NKIRAS1: variants seen among roughly 807,000 people sequenced by gnomAD.
NKIRAS1 encodes NF-kappa-B inhibitor-interacting Ras-like protein 1.
A neutral mutation model predicts 19.8 loss-of-function variants in NKIRAS1; 16 were observed. That is an observed-to-expected ratio of 0.81 (90% confidence interval 0.55 to 1.23). NKIRAS1 has a LOEUF of 1.23. NKIRAS1 is among the 50% of genes most tolerant of loss of function. The probability of loss-of-function intolerance (pLI) is 0.00; values close to 1 mark genes in which losing one functional copy is unlikely to be tolerated. For missense variants in NKIRAS1, 184 were observed against 220.0 expected (o/e 0.84, Z 1.04); for synonymous variants, 88 against 79.0 (o/e 1.11, Z -0.61).
upstream of NKIRAS1, chr3:23,919,826 T>G: frequency 9.6e-7 from 1 of 1,039,170 alleles, no homozygotes; most frequent in Non-Finnish European, 1.2e-6. Flanking sequence ...CTGGTGCATG[T>G]GATGAAACCT....
At chr3:23,933,940 C>T (rs1006494267) in intron 1 of NKIRAS1, among the ~76,000 whole-genome samples, 5 of 152,160 alleles carry the variant, frequency 3.3e-5, no homozygotes, top group African/African-American at 1.2e-4. Context: ...AGGGCCAGGA[C>T]GCTTCAACAT....
At chr3:23,917,817 G>C (rs763388523), upstream of NKIRAS1, 10 of 1,571,470 alleles carry the variant, frequency 6.4e-6, no homozygotes, top group African/African-American at 1.4e-5. Flanking sequence ...TACTTAAAGC[G>C]GATGATATTT....
In NKIRAS1 at chr3:23,915,763, T is replaced by C. The variant is rs140161651; in HGVS notation, c.-140+1021A>G. 2.3e-3 allele frequency among the ~76,000 whole-genome samples: 346 copies of C among 152,306 alleles called. 1 individual carries two copies. The highest frequency in any genetic ancestry group is 8.1e-3 in the African/African-American group (336 of 41,570). On this transcript the variant is annotated intron_variant, in intron 1 of 4. Transcript: ENST00000425478. ...CAGTCATGGCTCTTCTCCCTCTGCCTGAATCAGACCCCTACTCTTACTCCC... is the reference window on the plus strand; with the variant it reads ...CAGTCATGGCTCTTCTCCCTCTGCCCGAATCAGACCCCTACTCTTACTCCC...
intron 4 of NKIRAS1, 150 bp downstream of exon 4, chr3:23,900,653 AAAAAG>A (rs1246986488): frequency 0.024 from 14,519 of 605,012 alleles, 151 homozygotes; most frequent in South Asian, 0.034. Context: ...AAAAAAAAAA[AAAAAG>A]AAAAAGAAAA....
chr3:23,903,769 G>A (rs1477397807), intron 3 of NKIRAS1, among the ~76,000 whole-genome samples: 4 of 152,048 alleles, frequency 2.6e-5, no homozygotes, highest in Admixed American at 6.6e-5. Flanking sequence ...AGAAAACAAG[G>A]ACAGAGAACA....
upstream of NKIRAS1, chr3:23,917,188 G>C (rs113358064): frequency 1.3e-5 from 2 of 152,888 alleles, no homozygotes; most frequent in African/African-American, 4.8e-5. Context: ...GCTGCGTTGA[G>C]GATCTTTGCT....
At chr3:23,912,518 T>G (rs1015677103) in intron 1 of NKIRAS1, among the ~76,000 whole-genome samples, 5 of 152,112 alleles carry the variant, frequency 3.3e-5, no homozygotes, top group African/African-American at 1.2e-4. Flanking sequence ...TTAGAATGGT[T>G]ATCATTAAAA....
At chr3:23,895,915 A>G (rs1436588569) in intron 4 of NKIRAS1, among the ~76,000 whole-genome samples, 1 of 151,950 alleles carries the variant, frequency 6.6e-6, no homozygotes, top group Non-Finnish European at 1.5e-5. Flanking sequence ...TGGGTGGATC[A>G]TGAGGTCAGG....
intron 4 of NKIRAS1, among the ~76,000 whole-genome samples, chr3:23,900,143 AAGAG>A (rs778783875): frequency 6.6e-6 from 1 of 151,736 alleles, no homozygotes; most frequent in African/African-American, 2.4e-5. Flanking sequence ...GCCTGGGTGA[AAGAG>A]AGAGACTCAG....
At chr3:23,925,273 C>A (rs767944862) in intron 1 of NKIRAS1, among the ~76,000 whole-genome samples, 48 of 152,328 alleles carry the variant, frequency 3.2e-4, no homozygotes, top group Non-Finnish European at 5.6e-4. Flanking sequence ...GCGCAGTCCA[C>A]ACTGGTAGAG....
At chr3:23,936,423 A>T (rs545403154) in intron 1 of NKIRAS1, among the ~76,000 whole-genome samples, 1 of 152,306 alleles carries the variant, frequency 6.6e-6, no homozygotes, top group South Asian at 2.1e-4. Context: ...TTCTAAGCTG[A>T]TGCTCTCCCA....
chr3:23,897,748 A>G (rs1381019443), intron 4 of NKIRAS1, among the ~76,000 whole-genome samples: 1 of 152,190 alleles, frequency 6.6e-6, no homozygotes, highest in Non-Finnish European at 1.5e-5. Flanking sequence ...TACAGAAAAT[A>G]GCACCCTCAT....
intron 1 of NKIRAS1, among the ~76,000 whole-genome samples, chr3:23,913,949 CA>C (rs1559507959): frequency 1.3e-5 from 2 of 152,252 alleles, no homozygotes; most frequent in African/African-American, 4.8e-5. Flanking sequence ...GAGGTGAACA[CA>C]AAAAGCAGTA....
At chr3:23,910,783 G>A (rs1323383463) in intron 3 of NKIRAS1, 28 bp downstream of exon 3, 10 of 1,552,086 alleles carry the variant, frequency 6.4e-6, no homozygotes, top group Non-Finnish European at 8.0e-6. Context: ...CCAGAACCTA[G>A]AGACAAACTA....
rs375135098 is a variant in NKIRAS1 at position 23,928,019 on chromosome 3, C to G, written c.-139-16569G>C. Among the ~76,000 whole-genome samples, 3 of 152,112 alleles carry G rather than the reference C, an allele frequency of 2.0e-5. No individual in the cohort carries two copies. In the East Asian group the frequency reaches 5.8e-4, roughly 29 times the overall value. On this transcript the variant is annotated intron_variant, in intron 1 of 4. Coordinates refer to the NKIRAS1 transcript ENST00000421515. ...GCTTGAGCCTGGGAAGTCGAAGCTA[C>G]AGTGAGCCATGTTGGTGCCACTGCA...
chr3:23,919,670 A>G (rs1704962065), upstream of NKIRAS1: 3 of 1,401,640 alleles, frequency 2.1e-6, no homozygotes, highest in African/African-American at 1.4e-5. Context: ...GTGGTGGTGT[A>G]TCTTGTTTCT....
At chr3:23,917,819 A>G (rs372207088), upstream of NKIRAS1, 33 of 1,576,260 alleles carry the variant, frequency 2.1e-5, no homozygotes, top group South Asian at 3.1e-4. Flanking sequence ...CTTAAAGCGG[A>G]TGATATTTAA....
intron 3 of NKIRAS1, among the ~76,000 whole-genome samples, chr3:23,909,865 T>TG (rs1703493124): frequency 3.1e-5 from 1 of 32,582 alleles, no homozygotes; most frequent in Admixed American, 3.7e-4. Flanking sequence ...TTTTTTTTTG[T>TG]TTTTTTTTTT....
At chr3:23,946,406 C>A in exon 1 of NKIRAS1, 1 of 575,012 alleles carries the variant, frequency 1.7e-6, no homozygotes, top group Non-Finnish European at 2.2e-6. Flanking sequence ...GGGGCTTTCC[C>A]GAAGGGATAC....
Sources: allele counts gnomAD v4.1 joint callset (sites outside exome capture counted in the v4.1 genomes callset), GRCh38; gene constraint gnomAD v4.1.1; transcripts MANE v1.5; gene names NCBI Gene and HGNC (gene_info 2026-07-23, HGNC 2026-07-21).